Variants in LSM12 observed in about 807,000 individuals in gnomAD.
The protein encoded by LSM12 is LSM12 homolog.
For missense variants in LSM12, 108 were observed against 238.9 expected, an observed-to-expected ratio of 0.45 and a Z score of 3.61; for synonymous variants, 74 against 87.3, an observed-to-expected ratio of 0.85 and a Z score of 0.85.
At chr17:44,042,203 C>T (rs936195553) in intron 2 of LSM12, among the ~76,000 whole-genome samples, 2 of 151,760 alleles carry the variant, frequency 1.3e-5, no homozygotes, top group Admixed American at 1.3e-4. Flanking sequence ...AGGAGAATCG[C>T]TTGAACACGG....
rs1191459053 is a variant in LSM12 at position 44,051,194 on chromosome 17, C to G, written c.259-10938G>C. On this transcript the variant is annotated intron_variant, in intron 2 of 4. Coordinates refer to ENST00000293406, the MANE Select transcript of LSM12 (RefSeq NM_001371445.1). ...GGCAGAGGAGGGCAGATCACAAGAT[C>G]AGGAGTTCCAGACCAGCCTGGCCAA... Among the ~76,000 whole-genome samples the G allele has an allele frequency of 2.6e-5, 4 of 151,996 alleles. No individual in the cohort carries two copies. The East Asian group carries it at 7.7e-4, about 29-fold the overall frequency.
intron 2 of LSM12, among the ~76,000 whole-genome samples, chr17:44,062,851 C>T (rs1334125488): frequency 1.3e-5 from 2 of 151,544 alleles, no homozygotes; most frequent in African/African-American, 4.9e-5. Context: ...AATGAAACCC[C>T]GTCTCTACTA....
chr17:44,058,656 C>G (rs918100488), intron 2 of LSM12, among the ~76,000 whole-genome samples: 42 of 152,202 alleles, frequency 2.8e-4, no homozygotes, highest in African/African-American at 9.9e-4. Context: ...CATGGTGAAA[C>G]CCCATCTCTA....
At chr17:44,050,758 T>G (rs1412600436) in intron 2 of LSM12, among the ~76,000 whole-genome samples, 1 of 152,026 alleles carries the variant, frequency 6.6e-6, no homozygotes, top group Admixed American at 6.6e-5. Context: ...TGACCGCAAG[T>G]GATCTGCCCG....
intron 2 of LSM12, among the ~76,000 whole-genome samples, chr17:44,062,022 C>G (rs1262384742): frequency 3.3e-5 from 5 of 151,892 alleles, no homozygotes; most frequent in Admixed American, 6.6e-5. Context: ...GAGATCGAGA[C>G]CGTCCTGGCT....
intron 1 of LSM12, among the ~76,000 whole-genome samples, chr17:44,064,834 T>C (rs544936695): frequency 6.6e-6 from 1 of 152,032 alleles, no homozygotes; most frequent in Non-Finnish European, 1.5e-5. Context: ...CTTATTTTTT[T>C]AAAAAAGCAA....
chr17:44,055,749 G>GTA (rs2049705438), intron 2 of LSM12, among the ~76,000 whole-genome samples: 1 of 145,234 alleles, frequency 6.9e-6, no homozygotes, highest in Non-Finnish European at 1.5e-5. Context: ...TAATATATGT[G>GTA]TATATATATA....
chr17:44,060,922 CCTCT>C (rs78932513), intron 2 of LSM12, among the ~76,000 whole-genome samples: 22,520 of 152,054 alleles, frequency 0.15, 2,044 homozygotes, highest in Non-Finnish European at 0.2. Flanking sequence ...CAGAAAATCA[CCTCT>C]CTTTCAGATC....
At chr17:44,042,302 G>C (rs780130952) in intron 2 of LSM12, among the ~76,000 whole-genome samples, 3 of 151,710 alleles carry the variant, frequency 2.0e-5, no homozygotes, top group Non-Finnish European at 4.4e-5. Flanking sequence ...AAAAATGGGG[G>C]AGCCATACCT....
At position 44,041,618 on chromosome 17, in the gene LSM12, A is replaced by C. The variant is rs1000313918; in HGVS notation, c.259-1362T>G. Among the ~76,000 whole-genome samples, 3 of 152,278 alleles carry C rather than the reference A, an allele frequency of 2.0e-5. No individual in the cohort carries two copies. The South Asian group carries it at 6.2e-4, about 32-fold the overall frequency. On this transcript the variant is annotated intron_variant, in intron 2 of 4. Coordinates refer to ENST00000293406, the MANE Select transcript of LSM12 (RefSeq NM_001371445.1). ...AATTCTACGTCATGTCTGTTCCTTC[A>C]CTGCCCTCTGGTGGAACCATCCACA...
chr17:44,051,109 TA>T (rs2049637488), intron 2 of LSM12, among the ~76,000 whole-genome samples: 1 of 151,350 alleles, frequency 6.6e-6, no homozygotes, highest in African/African-American at 2.4e-5. Flanking sequence ...CCCTCTCTAC[TA>T]AAAATACAAA....
chr17:44,048,823 G>A (rs1236070146), intron 2 of LSM12, among the ~76,000 whole-genome samples: 1 of 152,042 alleles, frequency 6.6e-6, no homozygotes, highest in Non-Finnish European at 1.5e-5. Context: ...TCCTGTGCCC[G>A]TTTTATATAT....
intron 2 of LSM12, among the ~76,000 whole-genome samples, chr17:44,048,895 T>TA (rs563671045): frequency 6.6e-6 from 1 of 152,022 alleles, no homozygotes; most frequent in Non-Finnish European, 1.5e-5. Flanking sequence ...ACATCAATAT[T>TA]AAAAGGCTTC....
chr17:44,045,317 T>C (rs2049548386), intron 2 of LSM12, among the ~76,000 whole-genome samples: 1 of 152,186 alleles, frequency 6.6e-6, no homozygotes, highest in African/African-American at 2.4e-5. Flanking sequence ...TAAGCCACCA[T>C]GCCTGGCCTT....
intron 2 of LSM12, among the ~76,000 whole-genome samples, chr17:44,041,310 CACACACACACACACACACACACAA>C (rs1366620250): frequency 1.5e-4 from 21 of 143,390 alleles, no homozygotes; most frequent in African/African-American, 5.7e-4. Flanking sequence ...CACACACACA[CACACACACACACACACACACACAA>C]ACACACACAC....
At chr17:44,037,623 C>T in intron 3 of LSM12, 85 bp from the exon 4 acceptor site, 1 of 1,454,036 alleles carries the variant, frequency 6.9e-7, no homozygotes. Flanking sequence ...CTCCAGAAGG[C>T]TGATCCCAAG....
At chr17:44,055,661 T>G (rs921999999) in intron 2 of LSM12, among the ~76,000 whole-genome samples, 3 of 145,620 alleles carry the variant, frequency 2.1e-5, no homozygotes, top group Admixed American at 1.4e-4. Flanking sequence ...TGGGTGAGAG[T>G]GAGACCCTGT....
At chr17:44,037,249 G>T in intron 4 of LSM12, 163 bp downstream of exon 4, 1 of 747,014 alleles carries the variant, frequency 1.3e-6, no homozygotes, top group Non-Finnish European at 2.0e-6. Flanking sequence ...CATTCCCACA[G>T]GACTGCAGAA....
Position 44,058,624 on chromosome 17 carries a change from A to G in LSM12, c.258+5177T>C, listed in dbSNP as rs1485407214. On this transcript the variant is annotated intron_variant, in intron 2 of 4. Transcript: ENST00000293406. ...AAGGCGGGTGGATCATGAGGTCAGG[A>G]GTTCGAGATCAGCCTGGTCAACATG... Among the ~76,000 whole-genome samples the G allele has an allele frequency of 2.0e-5, 3 of 152,224 alleles. No individual in the cohort carries two copies. In the East Asian group the frequency reaches 5.8e-4, roughly 29 times the overall value.
Sources: allele counts gnomAD v4.1 joint callset (sites outside exome capture counted in the v4.1 genomes callset), GRCh38; gene constraint gnomAD v4.1.1; transcripts MANE v1.5; gene names NCBI Gene and HGNC (gene_info 2026-07-23, HGNC 2026-07-21).